The following SPHKAP variants were observed in gnomAD, a reference collection of about 807,000 sequenced individuals.
SPHKAP encodes SPHK1 interactor, AKAP domain containing.
In SPHKAP, 67 loss-of-function variants were observed where a neutral mutation model predicts 137.5. That is an observed-to-expected ratio of 0.49 (90% CI 0.40 to 0.60). The LOEUF (loss-of-function observed/expected upper bound fraction) is 0.60. Among genes scored for constraint, SPHKAP ranks in the 20% least tolerant of loss-of-function variants. The probability of loss-of-function intolerance (pLI) is 0.00; values close to 1 mark genes in which losing one functional copy is unlikely to be tolerated. For synonymous variants in SPHKAP, 813 were observed against 785.3 expected, an observed-to-expected ratio of 1.04 and a Z score of -0.59; for missense variants, 2,097 against 2,069.3, an observed-to-expected ratio of 1.01 and a Z score of -0.26.
intron 7 of SPHKAP, chr2:227,995,978 G>T (rs1004967171): frequency 6.1e-6 from 6 of 985,186 alleles, no homozygotes; most frequent in South Asian, 9.4e-5. Flanking sequence ...ACACACAAAA[G>T]AATTATTGAG....
chr2:227,995,839 G>T, intron 7 of SPHKAP, 145 bp from the exon 8 acceptor site: 1 of 1,255,074 alleles, frequency 8.0e-7, no homozygotes. Context: ...TTCTGCTGGT[G>T]CCCTAGGTCC....
intron 7 of SPHKAP, among the ~76,000 whole-genome samples, chr2:227,997,293 T>C (rs972816081): frequency 6.6e-6 from 1 of 152,176 alleles, no homozygotes; most frequent in Non-Finnish European, 1.5e-5. Context: ...TCCCAGCCTT[T>C]GCCTAGTTGA....
chr2:228,020,701 G>T (rs1694809934), intron 6 of SPHKAP, among the ~76,000 whole-genome samples: 1 of 151,966 alleles, frequency 6.6e-6, no homozygotes, highest in South Asian at 2.1e-4. Context: ...ATGTAGCCTA[G>T]AACTTAAAGT....
rs539452916 is a variant in SPHKAP, at chr2:228,050,374, A to T, written c.247-22831T>A. On this transcript the variant is annotated intron_variant, in intron 3 of 11. Transcript: ENST00000392056. ...ATAAGTCATTCTGCCACAAAGACAC[A>T]TGCACTTGAATGTTCACAGCAGCAC... 3.3e-5 allele frequency among the ~76,000 whole-genome samples: 5 copies of T among 152,310 alleles called. No homozygotes were observed. In the South Asian group the frequency reaches 1.0e-3, roughly 32 times the overall value.
intron 3 of SPHKAP, among the ~76,000 whole-genome samples, chr2:228,034,873 A>G (rs1287282919): frequency 2.6e-5 from 4 of 152,090 alleles, no homozygotes. Context: ...TATTGATGGG[A>G]CATATCTCAA....
intron 8 of SPHKAP, chr2:227,994,161 G>GA (rs1243896582): frequency 3.1e-5 from 23 of 740,094 alleles, no homozygotes; most frequent in Non-Finnish European, 3.8e-5. Context: ...TTTCCCATGA[G>GA]ACTACAGAAC....
At chr2:228,043,408 C>T (rs558722978) in intron 3 of SPHKAP, among the ~76,000 whole-genome samples, 1 of 152,328 alleles carries the variant, frequency 6.6e-6, no homozygotes, top group South Asian at 2.1e-4. Context: ...CTTACTGCAA[C>T]CTCTGCCTTC....
intron 1 of SPHKAP, among the ~76,000 whole-genome samples, chr2:228,165,166 T>A (rs1430288004): frequency 6.7e-6 from 1 of 149,596 alleles, no homozygotes; most frequent in East Asian, 2.0e-4. Context: ...TTTTTTTTTT[T>A]ACCCATCTCA....
At chr2:228,173,757 G>C (rs1700655661) in intron 1 of SPHKAP, among the ~76,000 whole-genome samples, 1 of 152,130 alleles carries the variant, frequency 6.6e-6, no homozygotes, top group Non-Finnish European at 1.5e-5. Flanking sequence ...TAAATGTATT[G>C]TTTTAAGCCA....
chr2:228,139,227 C>T (rs35504568), intron 1 of SPHKAP, among the ~76,000 whole-genome samples: 13,876 of 152,042 alleles, frequency 0.091, 798 homozygotes, highest in Middle Eastern at 0.13. Flanking sequence ...TCAACAATAG[C>T]CAATATAATG....
intron 9 of SPHKAP, chr2:227,991,885 T>C (rs1693425650): frequency 3.9e-6 from 1 of 254,912 alleles, no homozygotes; most frequent in Non-Finnish European, 6.2e-6. Context: ...CAGCAAAATA[T>C]CACAATTAAA....
At chr2:228,047,434 C>T (rs6754646) in intron 3 of SPHKAP, among the ~76,000 whole-genome samples, 13,019 of 151,022 alleles carry the variant, frequency 0.086, 633 homozygotes, top group Middle Eastern at 0.2. Flanking sequence ...CCATTGCACT[C>T]CAGCCTGGGC....
At chr2:228,143,555 G>T (rs1268795381) in intron 1 of SPHKAP, among the ~76,000 whole-genome samples, 1 of 151,772 alleles carries the variant, frequency 6.6e-6, no homozygotes, top group Non-Finnish European at 1.5e-5. Context: ...GAGTGCAGTG[G>T]TGTGATCTTG....
At chr2:228,159,429 C>A (rs531031076) in intron 1 of SPHKAP, among the ~76,000 whole-genome samples, 1 of 152,178 alleles carries the variant, frequency 6.6e-6, no homozygotes, top group Admixed American at 6.5e-5. Flanking sequence ...GCTTGCAAAA[C>A]TGCAACTGGA....
intron 3 of SPHKAP, among the ~76,000 whole-genome samples, chr2:228,085,053 G>A (rs1247238744): frequency 2.6e-5 from 4 of 152,182 alleles, no homozygotes; most frequent in African/African-American, 9.7e-5. Context: ...AGAACACCAT[G>A]CTGAAGGTCA....
chr2:228,160,135 A>G (rs985919513), intron 1 of SPHKAP, among the ~76,000 whole-genome samples: 1 of 152,228 alleles, frequency 6.6e-6, no homozygotes, highest in Non-Finnish European at 1.5e-5. Flanking sequence ...GAACATGAGA[A>G]TTGATGCTGT....
chr2:228,031,616 C>A (rs948420421), intron 3 of SPHKAP, among the ~76,000 whole-genome samples: 3 of 152,196 alleles, frequency 2.0e-5, no homozygotes, highest in African/African-American at 7.2e-5. Flanking sequence ...GAGGCACCCC[C>A]CAGTAGGAGC....
chr2:228,139,090 T>C (rs977345783), intron 1 of SPHKAP, among the ~76,000 whole-genome samples: 14 of 152,194 alleles, frequency 9.2e-5, no homozygotes, highest in African/African-American at 3.1e-4. Context: ...TATCCTCTAA[T>C]TCAATCTTGA....
chr2:228,010,390 G>GGT (rs1694323230), intron 7 of SPHKAP, among the ~76,000 whole-genome samples: 1 of 152,100 alleles, frequency 6.6e-6, no homozygotes, highest in Non-Finnish European at 1.5e-5. Flanking sequence ...AAATTAGCTG[G>GGT]GTGTGGTGGC....
Sources: gnomAD v4.1 joint callset for allele counts (sites outside exome capture counted in the v4.1 genomes callset) on GRCh38, gnomAD v4.1.1 for gene constraint, MANE v1.5 for transcripts, NCBI Gene and HGNC (gene_info 2026-07-23, HGNC 2026-07-21) for gene names.